ARID2: variants seen among roughly 807,000 people sequenced by gnomAD.
The protein encoded by ARID2 is AT-rich interactive domain-containing protein 2.
Under a neutral mutation model 184.6 loss-of-function variants are expected in ARID2, and 32 were observed. That is an observed-to-expected ratio of 0.17 (90% CI 0.13 to 0.23). ARID2 has a LOEUF of 0.23. ARID2 is among the 10% of genes least tolerant of loss of function. The pLI is 1.00. For synonymous variants in ARID2, 836 were observed against 772.6 expected (o/e 1.08, Z -1.36); for missense variants, 1,696 against 2,197.6 (o/e 0.77, Z 4.56).
At chr12:45,875,911 A>G (rs1334856668) in intron 16 of ARID2, among the ~76,000 whole-genome samples, 1 of 152,224 alleles carries the variant, frequency 6.6e-6, no homozygotes, top group African/African-American at 2.4e-5. Flanking sequence ...CTGTCTCCAT[A>G]TCAGCAAGGC....
chr12:45,745,491 A>T (rs1375625088), intron 3 of ARID2, among the ~76,000 whole-genome samples: 2 of 152,194 alleles, frequency 1.3e-5, no homozygotes, highest in Non-Finnish European at 2.9e-5. Flanking sequence ...CTGTTTTAAA[A>T]GGAATAATTT....
chr12:45,817,907 G>A lies in ARID2; in HGVS notation c.637+19G>A, dbSNP rs1461361047. ...GACGACAGTAAGTTTTAAGCTGAAT[G>A]TATTATATAATTCTTCTGTAAAAGT... is the stretch of plus-strand genomic sequence containing the variant. On this transcript the variant is annotated intron_variant, in intron 5 of 20. Transcript: ENST00000334344. The A allele has an allele frequency of 5.1e-6, 8 of 1,577,722 alleles. No individual in the cohort carries two copies. The highest frequency in any genetic ancestry group is 6.0e-6 in the Non-Finnish European group (7 of 1,164,068).
chr12:45,852,036 C>T lies in ARID2; in HGVS notation c.3913C>T (p.Pro1305Ser), dbSNP rs61925814. Reference sequence around the variant, plus strand: ...GAGAAAGTACAGTGACTCAAGTCTACCTCCTTCAAACTCAGGGAAAATTCA... The same window carrying T: ...GAGAAAGTACAGTGACTCAAGTCTATCTCCTTCAAACTCAGGGAAAATTCA... ...NGRKYSDSSL[P>S]PSNSGKIQSE... The change falls in exon 15 of 21, where the codon CCT (proline) becomes TCT (serine). Residue 1305 changes from proline (P) to serine (S), a missense_variant. Coordinates refer to ENST00000334344, the MANE Select transcript of ARID2 (RefSeq NM_152641.4). The T allele has an allele frequency of 3.1e-6, 5 of 1,614,098 alleles. No homozygotes were observed. The Admixed American group carries it at 6.7e-5, about 22-fold the overall frequency.
At chr12:45,902,568 G>C (rs564096870) in intron 20 of ARID2, among the ~76,000 whole-genome samples, 1 of 148,762 alleles carries the variant, frequency 6.7e-6, no homozygotes, top group Non-Finnish European at 1.5e-5. Context: ...GTCTCGCTCT[G>C]TTGCCCAGGC....
chr12:45,749,859 G>C (rs1344662112), intron 3 of ARID2, among the ~76,000 whole-genome samples: 1 of 152,102 alleles, frequency 6.6e-6, no homozygotes, highest in Admixed American at 6.5e-5. Flanking sequence ...AGAGAGTTAC[G>C]ACCTTGTTCT....
chr12:45,762,998 G>T (rs918218511), intron 3 of ARID2, among the ~76,000 whole-genome samples: 2 of 152,188 alleles, frequency 1.3e-5, no homozygotes, highest in Non-Finnish European at 2.9e-5. Context: ...TTTATTGGGT[G>T]CTTATTGTGT....
chr12:45,887,882 C>T (rs1460999243), intron 16 of ARID2, among the ~76,000 whole-genome samples: 1 of 152,128 alleles, frequency 6.6e-6, no homozygotes. Flanking sequence ...GAAATAGTAG[C>T]TACATTTGGC....
At chr12:45,829,831 CCTT>C (rs1369342596) in intron 6 of ARID2, among the ~76,000 whole-genome samples, 5 of 136,058 alleles carry the variant, frequency 3.7e-5, no homozygotes, top group Non-Finnish European at 6.3e-5. Flanking sequence ...CAATTTCTGA[CCTT>C]CTCTTAATTC....
At chr12:45,902,494 A>G (rs1306690049) in intron 20 of ARID2, among the ~76,000 whole-genome samples, 4 of 151,938 alleles carry the variant, frequency 2.6e-5, no homozygotes, top group Non-Finnish European at 4.4e-5. Context: ...GATTGTGGGG[A>G]AAAACTGATT....
At chr12:45,773,885 T>C (rs1031852098) in intron 3 of ARID2, among the ~76,000 whole-genome samples, 14 of 152,150 alleles carry the variant, frequency 9.2e-5, no homozygotes, top group African/African-American at 2.7e-4. Flanking sequence ...CAGATGTACC[T>C]TCTTACAGCA....
intron 18 of ARID2, among the ~76,000 whole-genome samples, chr12:45,892,512 ACAC>A (rs1944314298): frequency 2.0e-5 from 3 of 152,190 alleles, no homozygotes; most frequent in African/African-American, 7.2e-5. Flanking sequence ...ATATAAACAT[ACAC>A]TAGTTTACAG....
intron 2 of ARID2, 95 bp downstream of exon 2, chr12:45,730,232 GC>G (rs1376802832): frequency 8.2e-7 from 1 of 1,215,096 alleles, no homozygotes; most frequent in East Asian, 2.7e-5. Flanking sequence ...TGGGGGGGTG[GC>G]CCGCGGGGGC....
intron 6 of ARID2, among the ~76,000 whole-genome samples, chr12:45,831,288 C>A (rs1943118013): frequency 6.6e-6 from 1 of 152,122 alleles, no homozygotes; most frequent in South Asian, 2.1e-4. Context: ...CACAGCTTAA[C>A]TTTATTCTAC....
chr12:45,849,037 A>T, intron 13 of ARID2, 67 bp downstream of exon 13: 2 of 1,504,884 alleles, frequency 1.3e-6, no homozygotes, highest in East Asian at 2.3e-5. Flanking sequence ...CTCTTTAAAG[A>T]AAATACCAAA....
intron 3 of ARID2, among the ~76,000 whole-genome samples, chr12:45,792,810 GT>G (rs1158592815): frequency 6.6e-6 from 1 of 151,904 alleles, no homozygotes; most frequent in African/African-American, 2.4e-5. Flanking sequence ...TTTAATAGAG[GT>G]TTTTATGTTA....
chr12:45,786,623 G>C (rs967264247), intron 3 of ARID2, among the ~76,000 whole-genome samples: 2 of 152,144 alleles, frequency 1.3e-5, no homozygotes, highest in Non-Finnish European at 2.9e-5. Flanking sequence ...GTGATCCAGC[G>C]ATCCAACTAC....
At chr12:45,877,615 G>A (rs577153291) in intron 16 of ARID2, among the ~76,000 whole-genome samples, 89 of 152,042 alleles carry the variant, frequency 5.9e-4, no homozygotes, top group Non-Finnish European at 1.2e-3. Flanking sequence ...CCTGGTCCAT[G>A]GAAAAATTGT....
chr12:45,763,366 A>C (rs1941715261), intron 3 of ARID2, among the ~76,000 whole-genome samples: 1 of 151,866 alleles, frequency 6.6e-6, no homozygotes, highest in Admixed American at 6.6e-5. Context: ...GCTACCGGGG[A>C]GGTGGAGGCA....
At chr12:45,817,166 C>G (rs527534923) in intron 4 of ARID2, among the ~76,000 whole-genome samples, 1 of 152,002 alleles carries the variant, frequency 6.6e-6, no homozygotes, top group African/African-American at 2.4e-5. Flanking sequence ...GACACCAGCC[C>G]GGGCAACATA....
Sources: allele counts gnomAD v4.1 joint callset (sites outside exome capture counted in the v4.1 genomes callset), GRCh38; gene constraint gnomAD v4.1.1; transcripts MANE v1.5; gene names NCBI Gene and HGNC (gene_info 2026-07-23, HGNC 2026-07-21).